PCNX1: variants seen among roughly 807,000 people sequenced by gnomAD.
The protein encoded by PCNX1 is pecanex-like protein 1.
A neutral mutation model predicts 242.2 loss-of-function variants in PCNX1; 78 were observed. The ratio of observed to expected loss-of-function variants is 0.32; its 90% CI spans 0.27 to 0.39. PCNX1 has a LOEUF of 0.39. PCNX1 is among the 10% of genes least tolerant of loss of function. The pLI, the probability that PCNX1 is intolerant of heterozygous loss-of-function variation, is 1.00. For synonymous variants in PCNX1, 1,024 were observed against 1,032.9 expected (o/e 0.99, Z 0.17); for missense variants, 2,581 against 2,856.5 (o/e 0.90, Z 2.20).
intron 26 of PCNX1, among the ~76,000 whole-genome samples, chr14:71,057,976 T>A (rs774562594): frequency 6.6e-6 from 1 of 152,208 alleles, no homozygotes; most frequent in East Asian, 1.9e-4. Context: ...TTCCTAGATA[T>A]GTTGAATTTC....
rs569098238 is a variant in PCNX1 at position 70,919,235 on chromosome 14, C to T, written c.153+11232C>T. Among the ~76,000 whole-genome samples the T allele has an allele frequency of 1.1e-4, 16 of 152,182 alleles. No individual in the cohort carries two copies. In the South Asian group the frequency reaches 2.9e-3, roughly 28 times the overall value. ...GTAATAAGTATCAGTAATATTTTGT[C>T]CTTGACAGTAGACAGAATTTTTCTT... On this transcript the variant is annotated intron_variant, in intron 1 of 35. Coordinates refer to ENST00000304743, the MANE Select transcript of PCNX1 (RefSeq NM_014982.3).
At chr14:70,973,598 A>G (rs2058604187) in intron 5 of PCNX1, among the ~76,000 whole-genome samples, 1 of 151,980 alleles carries the variant, frequency 6.6e-6, no homozygotes, top group African/African-American at 2.4e-5. Context: ...GAATTTTTGT[A>G]AAGGTGATAG....
At chr14:70,968,988 T>G (rs368797135) in intron 4 of PCNX1, 33 bp from the exon 5 acceptor site, 387 of 1,224,154 alleles carry the variant, frequency 3.2e-4, no homozygotes, top group Middle Eastern at 1.5e-3. Flanking sequence ...ACTGTTAATA[T>G]AAGGTCCTCA....
intron 11 of PCNX1, among the ~76,000 whole-genome samples, chr14:71,015,949 T>C (rs2059952388): frequency 6.6e-6 from 1 of 152,154 alleles, no homozygotes; most frequent in African/African-American, 2.4e-5. Flanking sequence ...TCTCAGCACT[T>C]TGGGAGTCTG....
In PCNX1 at chr14:70,907,690, C is replaced by G; in HGVS notation, c.-161C>G. On this transcript the variant is annotated 5_prime_UTR_variant, in exon 1 of 36. Coordinates refer to ENST00000304743, the MANE Select transcript of PCNX1 (RefSeq NM_014982.3). ...TCCTCGTTTGCTGCCTCCTCCTCCT[C>G]CTGCAGCAGCACCAGCGACCGCCGA... is the stretch of plus-strand genomic sequence containing the variant. 1.2e-6 allele frequency: 1 copy of G among 865,220 alleles called. No homozygotes were observed. Among genetic ancestry groups the G allele is most frequent in the Non-Finnish European group, 1.5e-6 (1 of 676,126 alleles). The allele number at this position is 865,220 out of a possible 1,614,324, so 53.6% of individuals were successfully genotyped here. A position where few individuals can be genotyped will look rare whatever the true frequency, so the allele number is the denominator to read the frequency against.
At chr14:71,092,816 A>G (rs1286862900) in intron 30 of PCNX1, 1 of 152,252 alleles carries the variant, frequency 6.6e-6, no homozygotes, top group Non-Finnish European at 1.5e-5. Flanking sequence ...ATAAACACCA[A>G]CTGCTATTTT....
intron 27 of PCNX1, among the ~76,000 whole-genome samples, chr14:71,075,041 C>G (rs2061681573): frequency 7.4e-6 from 1 of 134,690 alleles, no homozygotes; most frequent in Non-Finnish European, 1.5e-5. Context: ...GTTGCCCAGG[C>G]TGGACTACAG....
At chr14:71,032,461 T>G (rs2060414752) in intron 16 of PCNX1, among the ~76,000 whole-genome samples, 1 of 152,192 alleles carries the variant, frequency 6.6e-6, no homozygotes, top group Non-Finnish European at 1.5e-5. Context: ...TTCAAGGTTA[T>G]TGTAAAAATT....
chr14:70,977,521 G>A lies in PCNX1; in HGVS notation c.1184G>A (p.Ser395Asn), dbSNP rs756281827. 3.7e-6 allele frequency: 6 copies of A among 1,614,194 alleles called. No individual in the cohort carries two copies. Among genetic ancestry groups the A allele is most frequent in the Non-Finnish European group, 5.1e-6 (6 of 1,180,028 alleles). ...AGTGGAACGGACCGGGACACTAACA[G>A]TACTGTCAGCAGCTATAAAAGTGAG... is the stretch of plus-strand genomic sequence containing the variant. ...YCSGTDRDTN[S>N]TVSSYKSEQT... Residue 395 changes from serine (S) to asparagine (N), a missense_variant, in exon 6 of 36, where the codon AGT (serine) becomes AAT (asparagine). By Grantham distance (46) the Ser-to-Asn change is conservative. This residue lies in a region of PCNX1 where 1,204 missense variants were observed against 1,216.7 expected (regional missense o/e 0.99). Coordinates refer to ENST00000304743, the MANE Select transcript of PCNX1 (RefSeq NM_014982.3).
At chr14:70,969,469 G>A (rs2877697) in intron 5 of PCNX1, among the ~76,000 whole-genome samples, 25 of 152,258 alleles carry the variant, frequency 1.6e-4, no homozygotes, top group African/African-American at 3.9e-4. Flanking sequence ...CATTCAGTAC[G>A]ATCTCTAAAT....
chr14:70,967,703 A>G (rs1296323372), intron 3 of PCNX1, among the ~76,000 whole-genome samples: 1 of 152,158 alleles, frequency 6.6e-6, no homozygotes, highest in Non-Finnish European at 1.5e-5. Flanking sequence ...GTCTCCAACT[A>G]AAGAAGGTAC....
In PCNX1 at chr14:71,011,538, C is replaced by A; in HGVS notation, c.2767C>A (p.Pro923Thr). 5 of 1,544,942 alleles carry A rather than the reference C, an allele frequency of 3.2e-6. No homozygotes were observed. Among genetic ancestry groups the A allele is most frequent in the Non-Finnish European group, 4.5e-6 (5 of 1,120,052 alleles). Residue 923 changes from proline (P) to threonine (T), a missense_variant, in exon 10 of 36, where the codon CCA becomes ACA. Physicochemically the swap from Pro to Thr is conservative, Grantham distance 38. Transcript: ENST00000304743. ...VSSSTSVRFY[P>T]HDVLSLPQIR... is the part of the protein sequence containing the mutation. ...CAGTTCTACCTCAGTTCGATTTTAT[C>A]CACATGATGTGGTAGGTTTTTCTTT...
chr14:71,050,786 A>G (rs567484901), intron 23 of PCNX1, 26 bp downstream of exon 23: 3 of 1,600,146 alleles, frequency 1.9e-6, no homozygotes, highest in African/African-American at 2.7e-5. Context: ...AAGTTTTATA[A>G]GAATGGACAG....
intron 26 of PCNX1, among the ~76,000 whole-genome samples, chr14:71,066,494 TAAG>T (rs1435162771): frequency 6.6e-6 from 1 of 152,254 alleles, no homozygotes; most frequent in Non-Finnish European, 1.5e-5. Context: ...CTTATCAGCT[TAAG>T]GAGATTTTGG....
chr14:70,974,449 C>G (rs1483780762), intron 5 of PCNX1, among the ~76,000 whole-genome samples: 1 of 151,978 alleles, frequency 6.6e-6, no homozygotes, highest in African/African-American at 2.4e-5. Context: ...ACCTTTTTCA[C>G]TTAATTATTT....
intron 1 of PCNX1, among the ~76,000 whole-genome samples, chr14:70,939,220 T>C (rs1213561113): frequency 6.6e-6 from 1 of 152,228 alleles, no homozygotes; most frequent in Non-Finnish European, 1.5e-5. Context: ...TTAATTGTGA[T>C]GTTAGGGTGT....
chr14:71,008,860 T>TG (rs1035651630), intron 8 of PCNX1, among the ~76,000 whole-genome samples: 1 of 152,088 alleles, frequency 6.6e-6, no homozygotes, highest in Non-Finnish European at 1.5e-5. Flanking sequence ...CTACCATAGA[T>TG]CCTCAAAGGG....
At chr14:70,976,795 G>T (rs1347070302) in intron 5 of PCNX1, 147 bp from the exon 6 acceptor site, 4 of 683,778 alleles carry the variant, frequency 5.8e-6, no homozygotes, top group Admixed American at 5.8e-5. Context: ...TTGTGCAGCT[G>T]TGAAACAGAA....
intron 7 of PCNX1, among the ~76,000 whole-genome samples, chr14:70,993,143 C>CA (rs1200755243): frequency 1.4e-5 from 2 of 143,792 alleles, no homozygotes; most frequent in Non-Finnish European, 3.0e-5. Flanking sequence ...TTTTTTGAGA[C>CA]AGAGTCTTGC....
Sources: gnomAD v4.1 joint callset for allele counts (sites outside exome capture counted in the v4.1 genomes callset) on GRCh38, gnomAD v4.1.1 for gene constraint, gnomAD v4.1.1 regional missense constraint, MANE v1.5 for transcripts, NCBI Gene and HGNC (gene_info 2026-07-23, HGNC 2026-07-21) for gene names.